The following LZTR1 variants were observed in gnomAD, a reference collection of about 807,000 sequenced individuals.
LZTR1 encodes leucine zipper like post translational regulator 1.
A neutral mutation model predicts 105.7 loss-of-function variants in LZTR1; 260 were observed. That is an observed-to-expected ratio of 2.46 (90% CI 2.22 to 2.72). The LOEUF is 2.72. Ranked by LOEUF, LZTR1 falls within the 30% of genes most tolerant of loss-of-function variation. The pLI, the probability that LZTR1 is intolerant of heterozygous loss-of-function variation, is 0.00. For missense variants in LZTR1, 1,214 were observed against 1,166.9 expected, an observed-to-expected ratio of 1.04 and a Z score of -0.59; for synonymous variants, 490 against 476.4, an observed-to-expected ratio of 1.03 and a Z score of -0.37.
intron 10 of LZTR1, 103 bp from the exon 11 acceptor site, chr22:20,992,691 T>G: frequency 1.3e-6 from 1 of 785,822 alleles, no homozygotes; most frequent in East Asian, 2.7e-5. Flanking sequence ...CCCCTGGCCC[T>G]TCATGGCCAT....
chr22:20,994,795 C>T, intron 15 of LZTR1, 68 bp downstream of exon 15: 1 of 1,608,056 alleles, frequency 6.2e-7, no homozygotes, highest in Admixed American at 1.7e-5. Flanking sequence ...CCTCCCTGCC[C>T]ACCACTGTGA....
intron 2 of LZTR1, among the ~76,000 whole-genome samples, chr22:20,984,622 G>GGGGGGT (rs1555927169): frequency 1.5e-5 from 2 of 132,794 alleles, no homozygotes; most frequent in Admixed American, 1.6e-4. Context: ...GAGGGGGGGG[G>GGGGGGT]GGCGGTATCA....
rs199765826 is a variant in LZTR1 at position 20,995,997 on chromosome 22, G to A, written c.2104G>A (p.Glu702Lys). 1.7e-5 allele frequency: 28 copies of A among 1,613,742 alleles called. No individual in the cohort carries two copies. The highest frequency in any genetic ancestry group is 2.3e-5 in the Non-Finnish European group (27 of 1,180,022). Residue 702 changes from glutamate (E) to lysine (K), a missense_variant, in exon 18 of 21, where the codon GAA becomes AAA. By Grantham distance (56) the Glu-to-Lys change is moderately conservative. Coordinates refer to ENST00000646124, the MANE Select transcript of LZTR1 (RefSeq NM_006767.4). ...FEAMFRSFMP[E>K]DGQVNISIGE... Reference sequence around the variant, plus strand: ...AGCCATGTTCCGGTCCTTCATGCCCGAAGATGGGCAGGTGAACATCTCCAT... The same window carrying A: ...AGCCATGTTCCGGTCCTTCATGCCCAAAGATGGGCAGGTGAACATCTCCAT...
At chr22:20,988,259 G>A (rs550693299) in intron 5 of LZTR1, 141 bp downstream of exon 5, 124 of 627,576 alleles carry the variant, frequency 2.0e-4, no homozygotes, top group Non-Finnish European at 3.0e-4. Context: ...AATATCCCCC[G>A]GTGCAGCTAT....
rs758238174 is a variant in LZTR1, at chr22:20,992,213, G to C, written c.994-1G>C. 2 of 1,613,132 alleles carry C rather than the reference G, an allele frequency of 1.2e-6. No individual in the cohort carries two copies. The highest frequency in any genetic ancestry group is 1.7e-6 in the Non-Finnish European group (2 of 1,179,596). Reference sequence around the variant, plus strand: ...CATGCCCATGTGTCTCCCCTCTTCAGGTTGGTGGGGCTGAAGTGCCCGAGC... The same window carrying C: ...CATGCCCATGTGTCTCCCCTCTTCACGTTGGTGGGGCTGAAGTGCCCGAGC... On this transcript the variant is annotated splice_acceptor_variant, in intron 9 of 20. Coordinates refer to ENST00000646124, the MANE Select transcript of LZTR1 (RefSeq NM_006767.4). LOFTEE classifies it high-confidence loss of function.
chr22:20,996,415 C>T, intron 18 of LZTR1: 1 of 591,850 alleles, frequency 1.7e-6, no homozygotes, highest in Admixed American at 3.0e-5. Context: ...CTCCTTATGT[C>T]ACTTCAGTAG....
rs139717706 is a variant in LZTR1, at chr22:20,985,998, C to A, written c.320+101C>A. ...GCAGAGTCTCTCTCATCATGGGAAGCTAGAAAGAAGCTTCCAGGAGGAGAT... is the reference window on the plus strand; with the variant it reads ...GCAGAGTCTCTCTCATCATGGGAAGATAGAAAGAAGCTTCCAGGAGGAGAT... On this transcript the variant is annotated intron_variant, in intron 3 of 20. Transcript: ENST00000646124. 5 of 1,286,728 alleles carry A rather than the reference C, an allele frequency of 3.9e-6. No homozygotes were observed. In the African/African-American group the frequency reaches 5.9e-5, roughly 15 times the overall value. 79.7% of individuals were successfully genotyped at this position (1,286,728 alleles called of 1,614,324 possible). A position where few individuals can be genotyped will look rare whatever the true frequency, so the allele number is the denominator to read the frequency against.
chr22:20,988,791 T>A lies in LZTR1; in HGVS notation c.512T>A (p.Leu171Ter). The A allele has an allele frequency of 6.2e-7, 1 of 1,613,656 alleles. No homozygotes were observed. Among genetic ancestry groups the A allele is most frequent in the South Asian group, 1.1e-5 (1 of 91,074 alleles). The change falls in exon 6 of 21, where the codon TTG becomes TAG. Residue 171 changes from leucine to a stop codon, truncating the protein, a stop_gained and splice_region_variant. Transcript: ENST00000646124. LOFTEE classifies it high-confidence loss of function. ...QWTEWKIEGR[L>*]PVARSAHGAT... is the part of the protein sequence containing the mutation. ...TCCCCTCTTCCCTCACACTCCAGGT[T>A]GCCAGTCGCTAGGTCAGCCCATGGG...
In LZTR1 at chr22:20,995,472, G is replaced by C. The variant is rs749208786; in HGVS notation, c.1943-274G>C. ...AGGCCATGCAGTGGGCCTGGAGGGG[G>C]CTTGATCATGAGGTCAGCGAGGGGG... is the stretch of plus-strand genomic sequence containing the variant. On this transcript the variant is annotated intron_variant, in intron 16 of 20. Transcript: ENST00000646124. The C allele has an allele frequency of 8.2e-5, 54 of 660,728 alleles. No homozygotes were observed. In the Middle Eastern group the frequency reaches 1.5e-3, roughly 18 times the overall value. The allele number at this position is 660,728 out of a possible 1,614,324, so 40.9% of individuals were successfully genotyped here. A position where few individuals can be genotyped will look rare whatever the true frequency, so the allele number is the denominator to read the frequency against.
chr22:20,994,616 GTT>G lies in LZTR1; in HGVS notation c.1675_1676del (p.Leu559ValfsTer109). 6.2e-7 allele frequency: 1 copy of G among 1,612,828 alleles called. No individual in the cohort carries two copies. Among genetic ancestry groups the G allele is most frequent in the Non-Finnish European group, 8.5e-7 (1 of 1,179,988 alleles). ...TGTACAAACTGGCACTGAGCTTCCA[GTT>G]GTGCCGCCTGGAGCAGCTGTGCCGC... ...DVYKLALSFQ[L>X]CRLEQLCRQY... is the part of the protein sequence containing the mutation. On this transcript the variant is annotated frameshift_variant, in exon 15 of 21. Coordinates refer to ENST00000646124, the MANE Select transcript of LZTR1 (RefSeq NM_006767.4). LOFTEE classifies it high-confidence loss of function.
chr22:20,991,972 C>G (rs1312108873), intron 9 of LZTR1, 143 bp downstream of exon 9: 10 of 839,998 alleles, frequency 1.2e-5, no homozygotes, highest in Admixed American at 8.3e-5. Context: ...TGGGCCTCAG[C>G]CCTGGACACC....
intron 10 of LZTR1, 44 bp downstream of exon 10, chr22:20,992,413 C>T: frequency 6.3e-7 from 1 of 1,577,496 alleles, no homozygotes. Flanking sequence ...CCCCCTGAAA[C>T]AGGTCCTGTG....
At chr22:20,987,974 C>T in intron 4 of LZTR1, 36 bp from the exon 5 acceptor site, 1 of 1,297,788 alleles carries the variant, frequency 7.7e-7, no homozygotes. Context: ...CAAGACTGCC[C>T]TTTGGGTTTG....
chr22:20,983,382 C>T (rs1427701718), intron 2 of LZTR1, among the ~76,000 whole-genome samples: 2 of 152,230 alleles, frequency 1.3e-5, no homozygotes, highest in Non-Finnish European at 2.9e-5. Context: ...ACCACCCTTG[C>T]GGCCAGCCCT....
rs368233594 is a variant in LZTR1 at position 20,991,843 on chromosome 22, G to A, written c.993+14G>A. The A allele has an allele frequency of 1.2e-5, 18 of 1,543,914 alleles. No individual in the cohort carries two copies. Among genetic ancestry groups the A allele is most frequent in the African/African-American group, 1.4e-5 (1 of 72,966 alleles). ...TCCGACAGCGAGGTGAGGGTGCCCAGGGGTGTCCTGACCTGCCAGCTGGAC... is the reference window on the plus strand; with the variant it reads ...TCCGACAGCGAGGTGAGGGTGCCCAAGGGTGTCCTGACCTGCCAGCTGGAC... On this transcript the variant is annotated intron_variant, in intron 9 of 20. Transcript: ENST00000646124.
At chr22:20,982,620 G>A (rs757150601) in intron 1 of LZTR1, 49 bp downstream of exon 1, 1 of 1,577,682 alleles carries the variant, frequency 6.3e-7, no homozygotes, top group African/African-American at 1.3e-5. Flanking sequence ...CGATCTGCGA[G>A]GGTCCCAGGG....
Position 20,994,565 on chromosome 22 carries a change from G to A in LZTR1, c.1623G>A (p.Val541=), listed in dbSNP as rs780972940. 1.1e-5 allele frequency: 18 copies of A among 1,609,966 alleles called. No individual in the cohort carries two copies. The highest frequency in any genetic ancestry group is 1.5e-5 in the Non-Finnish European group (18 of 1,179,784). Reference sequence around the variant, plus strand: ...GGGGGCTCTGGGGCGCAGGCCATGTGGAGGATGTGCTGCTCATCATGGATG... The same window carrying A: ...GGGGGCTCTGGGGCGCAGGCCATGTAGAGGATGTGCTGCTCATCATGGATG... ...DKIKYPRKGH[V]EDVLLIMDVY... is the part of the protein sequence containing the mutation. The change falls in exon 15 of 21, where the codon GTG becomes GTA. Residue 541 remains valine (V), a synonymous_variant. Transcript: ENST00000646124.
At chr22:20,984,595 C>T (rs1002109967) in intron 2 of LZTR1, among the ~76,000 whole-genome samples, 1 of 66,550 alleles carries the variant, frequency 1.5e-5, no homozygotes, top group East Asian at 5.5e-4. Flanking sequence ...CCTCCTGCGG[C>T]ACGTGGGGCA....
chr22:20,990,635 G>T, intron 8 of LZTR1, 110 bp downstream of exon 8: 1 of 1,181,848 alleles, frequency 8.5e-7, no homozygotes, highest in Admixed American at 2.2e-5. Context: ...ATCCTTGTGA[G>T]CTCTGCAAAC....
Sources: allele counts gnomAD v4.1 joint callset (sites outside exome capture counted in the v4.1 genomes callset), GRCh38; gene constraint gnomAD v4.1.1; transcripts MANE v1.5; gene names NCBI Gene and HGNC (gene_info 2026-07-23, HGNC 2026-07-21).